Variants in ADCY9 observed in about 807,000 individuals in gnomAD.
ADCY9 encodes adenylate cyclase type 9.
A neutral mutation model predicts 101.5 loss-of-function variants in ADCY9; 50 were observed. The ratio of observed to expected loss-of-function variants is 0.49; its 90% CI spans 0.39 to 0.62. The LOEUF is 0.62. Ranked by LOEUF, ADCY9 falls within the 20% of genes least tolerant of loss-of-function variation. The pLI is 0.00. For missense variants in ADCY9, 1,662 were observed against 1,800.4 expected, an observed-to-expected ratio of 0.92 and a Z score of 1.39; for synonymous variants, 905 against 769.3, an observed-to-expected ratio of 1.18 and a Z score of -2.92.
At position 4,067,701 on chromosome 16, in the gene ADCY9, G is replaced by A. The variant is rs943688696; in HGVS notation, c.1693+46049C>T. Among the ~76,000 whole-genome samples, 4 of 152,124 alleles carry A rather than the reference G, an allele frequency of 2.6e-5. 1 individual carries two copies. Among genetic ancestry groups the A allele is most frequent in the Admixed American group, 6.5e-5 (1 of 15,280 alleles). On this transcript the variant is annotated intron_variant, in intron 2 of 10. Transcript: ENST00000294016. ...TCAGCACAGCCTGCAGCTGACCCTC[G>A]GGAGAGGGTCAATTCAGGGCATTTG...
At chr16:4,112,750 C>T (rs1219907927) in intron 2 of ADCY9, among the ~76,000 whole-genome samples, 1 of 152,098 alleles carries the variant, frequency 6.6e-6, no homozygotes, top group African/African-American at 2.4e-5. Flanking sequence ...TCTCTACATA[C>T]TTCCACAACA....
rs142154681 is a variant in ADCY9 at position 3,972,354 on chromosome 16, C to T, written c.2870+2315G>A. On this transcript the variant is annotated intron_variant, in intron 10 of 10. Transcript: ENST00000294016. ...TAGCAATTCTCCTGCCTCAGCCTCC[C>T]GAGTAGCTGGGATTACAGGTGCCCG... is the stretch of plus-strand genomic sequence containing the variant. Among the ~76,000 whole-genome samples the T allele has an allele frequency of 4.0e-3, 612 of 151,950 alleles. 3 individuals are homozygous for T. The highest frequency in any genetic ancestry group is 0.015 in the African/African-American group (602 of 41,434).
At chr16:4,087,517 C>A (rs1433534085) in intron 2 of ADCY9, among the ~76,000 whole-genome samples, 1 of 134,038 alleles carries the variant, frequency 7.5e-6, no homozygotes, top group African/African-American at 2.8e-5. Flanking sequence ...GCCTGGGCAA[C>A]AGAGCGAGAT....
intron 2 of ADCY9, among the ~76,000 whole-genome samples, chr16:4,047,846 A>G (rs2056675953): frequency 6.6e-6 from 1 of 152,228 alleles, no homozygotes; most frequent in Non-Finnish European, 1.5e-5. Flanking sequence ...GGCGTGAGCC[A>G]CCGCATCCGG....
chr16:3,955,460 A>G (rs951926894), intron 5 of ADCY9, among the ~76,000 whole-genome samples: 1 of 152,256 alleles, frequency 6.6e-6, no homozygotes, highest in Non-Finnish European at 1.5e-5. Flanking sequence ...ATATTCAAAA[A>G]GAAGCCAAAA....
At chr16:4,091,094 G>A (rs997993651) in intron 2 of ADCY9, among the ~76,000 whole-genome samples, 1 of 151,250 alleles carries the variant, frequency 6.6e-6, no homozygotes, top group Non-Finnish European at 1.5e-5. Flanking sequence ...TATTTTTTGA[G>A]ACAGAGTCTC....
intron 2 of ADCY9, among the ~76,000 whole-genome samples, chr16:4,024,167 C>A (rs1200105458): frequency 1.3e-5 from 2 of 151,780 alleles, no homozygotes; most frequent in South Asian, 4.2e-4. Flanking sequence ...GGATTACAGG[C>A]ACCAACCACC....
intron 10 of ADCY9, among the ~76,000 whole-genome samples, chr16:3,968,024 T>A (rs1011764574): frequency 2.6e-5 from 4 of 151,936 alleles, no homozygotes. Flanking sequence ...AGTAAGTTGC[T>A]GACATGGCAC....
At chr16:4,058,658 T>C (rs905820731) in intron 2 of ADCY9, among the ~76,000 whole-genome samples, 3 of 151,996 alleles carry the variant, frequency 2.0e-5, no homozygotes, top group Non-Finnish European at 4.4e-5. Context: ...GGAAGGTATG[T>C]GTGATCAGGA....
chr16:3,956,502 T>TTTTTTTTTTTTTG (rs1410345117), intron 5 of ADCY9, among the ~76,000 whole-genome samples: 4 of 90,752 alleles, frequency 4.4e-5, no homozygotes, highest in Non-Finnish European at 8.2e-5. Flanking sequence ...TTTTTTTTTT[T>TTTTTTTTTTTTTG]TGGGGGGGGA....
At chr16:4,103,032 C>T (rs1285546423) in intron 2 of ADCY9, among the ~76,000 whole-genome samples, 1 of 152,210 alleles carries the variant, frequency 6.6e-6, no homozygotes, top group Non-Finnish European at 1.5e-5. Flanking sequence ...AGTTGATGGT[C>T]TTTATCACAC....
At chr16:3,987,751 T>A (rs2056205852) in intron 6 of ADCY9, among the ~76,000 whole-genome samples, 6 of 151,012 alleles carry the variant, frequency 4.0e-5, no homozygotes, top group Admixed American at 4.0e-4. Context: ...CACCACGGAG[T>A]TTAATGAAGA....
chr16:3,954,083 T>C (rs1419888848), intron 5 of ADCY9, among the ~76,000 whole-genome samples: 1 of 152,198 alleles, frequency 6.6e-6, no homozygotes, highest in East Asian at 1.9e-4. Context: ...TTGGCACTCA[T>C]CTGGGTGTTA....
chr16:3,982,199 T>C (rs2056149546), intron 7 of ADCY9: 1 of 152,282 alleles, frequency 6.6e-6, no homozygotes, highest in Non-Finnish European at 1.5e-5. Flanking sequence ...CTGGGTACAG[T>C]GCAGGTGGGA....
At position 3,992,947 on chromosome 16, in the gene ADCY9, C is replaced by T. The variant is rs139601049; in HGVS notation, c.1989+459G>A. On this transcript the variant is annotated intron_variant, in intron 4 of 10. Transcript: ENST00000294016. This position sits in a 1 kb window ranked among gnomAD's most constrained non-coding sequence, Gnocchi z 4.2. ...ATGAGCCCCCGCCGACAGGCTCTCG[C>T]GGGTGGGCTGAGTCCTGGCCCTGGT... Among the ~76,000 whole-genome samples the T allele has an allele frequency of 2.6e-5, 4 of 152,108 alleles. No homozygotes were observed. Among genetic ancestry groups the T allele is most frequent in the South Asian group, 2.1e-4 (1 of 4,830 alleles).
intron 2 of ADCY9, among the ~76,000 whole-genome samples, chr16:4,047,736 A>C (rs1360159454): frequency 6.6e-6 from 1 of 152,184 alleles, no homozygotes; most frequent in Admixed American, 6.5e-5. Context: ...ATCTATGACC[A>C]AGCAGGTCCT....
At chr16:4,038,594 G>C (rs966837238) in intron 2 of ADCY9, among the ~76,000 whole-genome samples, 3 of 152,126 alleles carry the variant, frequency 2.0e-5, no homozygotes, top group African/African-American at 7.2e-5. Context: ...AAAACGGACT[G>C]AGATACCGTG....
intron 2 of ADCY9, among the ~76,000 whole-genome samples, chr16:4,071,699 G>A (rs140436304): frequency 1.3e-5 from 2 of 152,164 alleles, no homozygotes; most frequent in South Asian, 4.1e-4. Context: ...TTTCCTGGCT[G>A]CAACAAGTCT....
At chr16:4,042,583 T>C (rs1376573442) in intron 2 of ADCY9, among the ~76,000 whole-genome samples, 1 of 152,188 alleles carries the variant, frequency 6.6e-6, no homozygotes, top group Non-Finnish European at 1.5e-5. Context: ...CATTCAATTG[T>C]TGGTTGAACT....
Sources: allele counts gnomAD v4.1 joint callset (sites outside exome capture counted in the v4.1 genomes callset), GRCh38; gene constraint gnomAD v4.1.1; non-coding constraint Gnocchi (gnomAD v3.1); transcripts MANE v1.5; gene names NCBI Gene and HGNC (gene_info 2026-07-23, HGNC 2026-07-21).